ELMO1: variants seen among roughly 807,000 people sequenced by gnomAD.
ELMO1 encodes engulfment and cell motility protein 1.
A neutral mutation model predicts 98.9 loss-of-function variants in ELMO1; 26 were observed. That is an observed-to-expected ratio of 0.26 (90% confidence interval 0.19 to 0.36). The LOEUF (loss-of-function observed/expected upper bound fraction) is 0.36, where lower values mean the gene tolerates loss of function less well. ELMO1 is among the 10% of genes least tolerant of loss of function. The probability of loss-of-function intolerance (pLI) is 1.00; values close to 1 mark genes in which losing one functional copy is unlikely to be tolerated. For missense variants in ELMO1, 627 were observed against 935.2 expected (o/e 0.67, Z 4.30); for synonymous variants, 346 against 346.0 (o/e 1.00, Z 0.00).
chr7:37,261,765 C>T (rs916836731), intron 5 of ELMO1, among the ~76,000 whole-genome samples: 5 of 152,198 alleles, frequency 3.3e-5, no homozygotes, highest in African/African-American at 9.7e-5. Context: ...CCATGCCTGG[C>T]TAATTTTTCA....
At position 37,163,088 on chromosome 7, in the gene ELMO1, T is replaced by C. The variant is rs190018544; in HGVS notation, c.1087-29854A>G. On this transcript the variant is annotated intron_variant, in intron 13 of 21. Transcript: ENST00000310758. ...AACCCATTGGCTATAATTCTACACA[T>C]TTCAAAGAAAGGAGAATACAGCTAT... 2.6e-5 allele frequency among the ~76,000 whole-genome samples: 4 copies of C among 152,350 alleles called. No individual in the cohort carries two copies. The East Asian group carries it at 7.7e-4, about 29-fold the overall frequency.
chr7:37,123,679 C>T (rs898052955), intron 14 of ELMO1, among the ~76,000 whole-genome samples: 14 of 152,214 alleles, frequency 9.2e-5, no homozygotes, highest in Non-Finnish European at 1.3e-4. Context: ...CAGAACCAGA[C>T]AGATTCACAG....
chr7:36,939,844 C>T (rs993778583), intron 16 of ELMO1, among the ~76,000 whole-genome samples: 28 of 152,236 alleles, frequency 1.8e-4, no homozygotes, highest in African/African-American at 6.0e-4. Flanking sequence ...GGAGTGGCAT[C>T]TGACCCACAA....
chr7:37,139,652 T>C (rs1787486077), intron 13 of ELMO1, among the ~76,000 whole-genome samples: 1 of 152,120 alleles, frequency 6.6e-6, no homozygotes. Context: ...AAAAGCAGTT[T>C]ACAAATTCAA....
chr7:36,919,727 G>A (rs1784991705), intron 16 of ELMO1, among the ~76,000 whole-genome samples: 1 of 152,074 alleles, frequency 6.6e-6, no homozygotes, highest in Non-Finnish European at 1.5e-5. Flanking sequence ...GTATTTCCAA[G>A]CTCTGTGATC....
At chr7:37,084,666 A>G (rs1783666836) in intron 15 of ELMO1, among the ~76,000 whole-genome samples, 1 of 152,218 alleles carries the variant, frequency 6.6e-6, no homozygotes, top group Non-Finnish European at 1.5e-5. Context: ...AACAGAGGTA[A>G]CGTGTGCTTA....
intron 14 of ELMO1, among the ~76,000 whole-genome samples, chr7:37,111,624 A>T (rs754341229): frequency 6.6e-6 from 1 of 152,250 alleles, no homozygotes; most frequent in African/African-American, 2.4e-5. Flanking sequence ...TATCTATTGT[A>T]GCAATGGGCA....
rs35979251 is a variant in ELMO1, at chr7:37,104,010, CAAAAAAAAAAAAAA to C, written c.1192-7297_1192-7284del. Among the ~76,000 whole-genome samples the C allele has an allele frequency of 2.8e-3, 81 of 29,020 alleles. 1 individual carries two copies. Among genetic ancestry groups the C allele is most frequent in the Admixed American group, 7.4e-3 (10 of 1,352 alleles). The allele number at this position is 29,020 out of a possible 152,430, so 19.0% of individuals were successfully genotyped here. A position where few individuals can be genotyped will look rare whatever the true frequency, so the allele number is the denominator to read the frequency against. ...TGGGTGAGAGAGTGAGACTCCATCT[CAAAAAAAAAAAAAA>C]AAAAAAAAAAAAAAAAAAAGAACAG... On this transcript the variant is annotated intron_variant, in intron 14 of 21. Coordinates refer to ENST00000310758, the MANE Select transcript of ELMO1 (RefSeq NM_014800.11).
intron 4 of ELMO1, among the ~76,000 whole-genome samples, chr7:37,306,925 C>T (rs947214857): frequency 3.9e-5 from 6 of 152,082 alleles, no homozygotes; most frequent in Non-Finnish European, 8.8e-5. Flanking sequence ...AATTATAAAC[C>T]TAGTGACTCA....
chr7:37,368,685 T>G (rs1023071344), intron 1 of ELMO1, among the ~76,000 whole-genome samples: 2 of 152,222 alleles, frequency 1.3e-5, no homozygotes, highest in African/African-American at 4.8e-5. Flanking sequence ...GCAACTCTCA[T>G]AGATTACCTG....
intron 1 of ELMO1, among the ~76,000 whole-genome samples, chr7:37,349,614 T>A (rs10235422): frequency 6.6e-6 from 1 of 151,610 alleles, no homozygotes; most frequent in Admixed American, 6.6e-5. Flanking sequence ...CCACCTTGCG[T>A]GGCTAATTTT....
At chr7:37,244,124 G>A (rs554984732) in intron 7 of ELMO1, among the ~76,000 whole-genome samples, 2 of 152,096 alleles carry the variant, frequency 1.3e-5, no homozygotes, top group African/African-American at 4.8e-5. Context: ...GCATCACTTA[G>A]TGGTTACATA....
At chr7:37,136,707 A>G (rs1052250479) in intron 13 of ELMO1, among the ~76,000 whole-genome samples, 9 of 152,114 alleles carry the variant, frequency 5.9e-5, no homozygotes, top group African/African-American at 1.9e-4. Flanking sequence ...CCAGCACTAC[A>G]AGAACTGCTA....
chr7:37,195,026 T>C (rs983068122), intron 13 of ELMO1, among the ~76,000 whole-genome samples: 2 of 152,168 alleles, frequency 1.3e-5, no homozygotes, highest in African/African-American at 4.8e-5. Flanking sequence ...CAAGGACCTA[T>C]CCCTCTGGTG....
At chr7:37,017,255 C>T (rs1055546254) in intron 15 of ELMO1, among the ~76,000 whole-genome samples, 1 of 152,092 alleles carries the variant, frequency 6.6e-6, no homozygotes, top group Non-Finnish European at 1.5e-5. Context: ...CTTTTTTCTT[C>T]CTCAAGATAT....
rs767694297 is a variant in ELMO1 at position 37,213,355 on chromosome 7, T to C, written c.934A>G (p.Lys312Glu). The C allele has an allele frequency of 1.4e-5, 22 of 1,612,908 alleles. No individual in the cohort carries two copies. The highest frequency in any genetic ancestry group is 1.7e-5 in the Non-Finnish European group (20 of 1,179,714). Residue 312 changes from lysine (K) to glutamate (E), a missense_variant, in exon 12 of 22, where the codon AAA (lysine) becomes GAA (glutamate). Coordinates refer to ENST00000310758, the MANE Select transcript of ELMO1 (RefSeq NM_014800.11). ...CTCACCTGGTCCTGGGGGTCCATTT[T>C]GGTCATCATCCTGTCTTCCAGGAGG... ...FNLLEDRMMTKMDPQDQAQRD... is the reference protein window; with the variant it reads ...FNLLEDRMMTEMDPQDQAQRD...
chr7:37,003,325 T>C (rs1031839368), intron 16 of ELMO1, among the ~76,000 whole-genome samples: 3 of 151,988 alleles, frequency 2.0e-5, no homozygotes, highest in Admixed American at 2.0e-4. Flanking sequence ...GAGTTTGAGA[T>C]GAGCATGGGC....
At chr7:37,195,151 T>C (rs2058730) in intron 13 of ELMO1, among the ~76,000 whole-genome samples, 81,131 of 151,976 alleles carry the variant, frequency 0.53, 23,179 homozygotes, top group East Asian at 0.65. Context: ...ACACACTCAG[T>C]TCTGAACTGA....
intron 16 of ELMO1, among the ~76,000 whole-genome samples, chr7:36,910,998 A>T (rs6950799): frequency 0.49 from 74,446 of 151,966 alleles, 19,096 homozygotes; most frequent in African/African-American, 0.62. Context: ...AAACGAGGGG[A>T]TATCTATCTT....
Sources: gnomAD v4.1 joint callset for allele counts (sites outside exome capture counted in the v4.1 genomes callset) on GRCh38, gnomAD v4.1.1 for gene constraint, MANE v1.5 for transcripts, NCBI Gene and HGNC (gene_info 2026-07-23, HGNC 2026-07-21) for gene names.